The following OTOP1 variants were observed in gnomAD, a reference collection of about 807,000 sequenced individuals.
OTOP1 encodes proton channel OTOP1.
A neutral mutation model predicts 52.9 loss-of-function variants in OTOP1; 59 were observed. That is an observed-to-expected ratio of 1.12 (90% CI 0.91 to 1.39). The LOEUF is 1.39. Among genes scored for constraint, OTOP1 ranks in the 40% most tolerant of loss-of-function variants. The pLI is 0.00. For synonymous variants in OTOP1, 317 were observed against 337.7 expected (o/e 0.94, Z 0.67); for missense variants, 761 against 800.9 (o/e 0.95, Z 0.60).
chr4:4,199,178 G>T (rs2108797994), intron 4 of OTOP1, among the ~76,000 whole-genome samples: 1 of 149,264 alleles, frequency 6.7e-6, no homozygotes, highest in African/African-American at 2.5e-5. Context: ...GACAGAGCGA[G>T]ACTCAGTCTC....
intron 4 of OTOP1, among the ~76,000 whole-genome samples, chr4:4,201,154 C>A (rs566231728): frequency 8.5e-5 from 13 of 152,144 alleles, no homozygotes; most frequent in African/African-American, 2.9e-4. Flanking sequence ...TGAGGCCAGG[C>A]GCAGTGGCTC....
intron 1 of OTOP1, among the ~76,000 whole-genome samples, chr4:4,224,235 T>C (rs1457318115): frequency 6.6e-6 from 1 of 151,580 alleles, no homozygotes; most frequent in African/African-American, 2.4e-5. Flanking sequence ...TAATCCCAGC[T>C]ACTTGGGAGG....
At chr4:4,214,887 T>C (rs147293316) in intron 1 of OTOP1, among the ~76,000 whole-genome samples, 28 of 152,216 alleles carry the variant, frequency 1.8e-4, no homozygotes, top group Non-Finnish European at 8.8e-5. Flanking sequence ...CAAAAGTGTA[T>C]ATGTTCTTAA....
At chr4:4,222,065 T>C (rs1717312875) in intron 1 of OTOP1, among the ~76,000 whole-genome samples, 1 of 152,204 alleles carries the variant, frequency 6.6e-6, no homozygotes, top group Non-Finnish European at 1.5e-5. Flanking sequence ...CATTCAATTA[T>C]TTAGTAGACA....
At chr4:4,203,744 T>A (rs1716839492) in intron 3 of OTOP1, among the ~76,000 whole-genome samples, 1 of 152,220 alleles carries the variant, frequency 6.6e-6, no homozygotes, top group South Asian at 2.1e-4. Flanking sequence ...ACTGGTGATT[T>A]GAGAGAGGTA....
intron 3 of OTOP1, among the ~76,000 whole-genome samples, chr4:4,205,295 T>C (rs547681465): frequency 9.8e-5 from 15 of 152,296 alleles, no homozygotes; most frequent in Admixed American, 7.8e-4. Context: ...AAGAAACAAA[T>C]AGATTCTTCT....
chr4:4,218,256 G>C (rs1023197366), intron 1 of OTOP1, among the ~76,000 whole-genome samples: 2 of 151,902 alleles, frequency 1.3e-5, no homozygotes, highest in African/African-American at 2.4e-5. Context: ...GTCAGGTGTG[G>C]TGGCAAGCAC....
Position 4,206,058 on chromosome 4 carries a change from C to T in OTOP1, c.599+14G>A, listed in dbSNP as rs375896390. The T allele has an allele frequency of 1.0e-4, 166 of 1,589,496 alleles. 1 individual carries two copies. The Admixed American group carries it at 1.3e-3, about 13-fold the overall frequency. On this transcript the variant is annotated intron_variant, in intron 3 of 5. Coordinates refer to ENST00000296358, the MANE Select transcript of OTOP1 (RefSeq NM_177998.3). ...CCAAATTCAACATATAAAGCAATTA[C>T]CCACAATTTTTACCTTTCCAGTGTT...
rs1157934422 is a variant in OTOP1 at position 4,197,681 on chromosome 4, G to C, written c.1153C>G (p.Pro385Ala). ...AGGTCCGAGTCCAGTTTGCGGGCCG[G>C]ATTTTTGGACTCATCCAGTGACTTC... ...DEKSLDESKN[P>A]ARKLDSDLLV... Residue 385 changes from proline (P) to alanine (A), a missense_variant, in exon 5 of 6, where the codon CCG (proline) becomes GCG (alanine). Around this residue, in one of 3 missense-constraint regions of OTOP1, gnomAD observed 632 missense variants for 619.5 expected, o/e 1.02. Coordinates refer to ENST00000296358, the MANE Select transcript of OTOP1 (RefSeq NM_177998.3). 6.2e-7 allele frequency: 1 copy of C among 1,613,700 alleles called. No homozygotes were observed. The highest frequency in any genetic ancestry group is 8.5e-7 in the Non-Finnish European group (1 of 1,179,974).
At position 4,191,620 on chromosome 4, in the gene OTOP1, T is replaced by C. The variant is rs550893952; in HGVS notation, c.1669-2647A>G. Among the ~76,000 whole-genome samples the C allele has an allele frequency of 9.9e-5, 15 of 152,282 alleles. No homozygotes were observed. The East Asian group carries it at 2.1e-3, about 22-fold the overall frequency. ...TGAACATGCGTGGCCAGCCCCTCCT[T>C]GTCTCACCTCACCCTTCAGCGAGGC... On this transcript the variant is annotated intron_variant, in intron 5 of 5. Coordinates refer to ENST00000296358, the MANE Select transcript of OTOP1 (RefSeq NM_177998.3).
At chr4:4,203,232 C>A (rs910235575) in intron 3 of OTOP1, among the ~76,000 whole-genome samples, 1 of 152,226 alleles carries the variant, frequency 6.6e-6, no homozygotes, top group Non-Finnish European at 1.5e-5. Flanking sequence ...TTTTATCTAG[C>A]CTTGAATGTG....
intron 3 of OTOP1, 49 bp downstream of exon 3, chr4:4,206,023 T>C: frequency 6.6e-7 from 1 of 1,507,280 alleles, no homozygotes; most frequent in South Asian, 1.1e-5. Context: ...TTGAAAATTC[T>C]AAATGAATGC....
chr4:4,219,872 TATATGTATATATACAC>T (rs1717243075), intron 1 of OTOP1, among the ~76,000 whole-genome samples: 1 of 146,540 alleles, frequency 6.8e-6, no homozygotes, highest in Non-Finnish European at 1.5e-5. Context: ...TATGTATACA[TATATGTATATATACAC>T]ATATATGTAT....
chr4:4,191,393 C>T (rs1487537867), intron 5 of OTOP1, among the ~76,000 whole-genome samples: 2 of 152,140 alleles, frequency 1.3e-5, no homozygotes, highest in Non-Finnish European at 2.9e-5. Context: ...TTGATCAAAC[C>T]CCCAAAGTCT....
At chr4:4,204,469 G>C (rs1366105773) in intron 3 of OTOP1, among the ~76,000 whole-genome samples, 1 of 152,028 alleles carries the variant, frequency 6.6e-6, no homozygotes, top group Non-Finnish European at 1.5e-5. Context: ...CCAGTCCCAG[G>C]CCCACTGAAC....
At chr4:4,192,841 A>G (rs1716543398) in intron 5 of OTOP1, among the ~76,000 whole-genome samples, 3 of 152,174 alleles carry the variant, frequency 2.0e-5, no homozygotes, top group Admixed American at 1.3e-4. Context: ...TCTAGGAGTC[A>G]AATTCCTAGA....
chr4:4,221,600 G>T (rs186773500), intron 1 of OTOP1, among the ~76,000 whole-genome samples: 1 of 152,204 alleles, frequency 6.6e-6, no homozygotes, highest in Non-Finnish European at 1.5e-5. Flanking sequence ...GAAGTTGAGG[G>T]CTAAGTCTCA....
chr4:4,203,653 C>A (rs1306836923), intron 3 of OTOP1, among the ~76,000 whole-genome samples: 1 of 152,254 alleles, frequency 6.6e-6, no homozygotes, highest in African/African-American at 2.4e-5. Flanking sequence ...TCTTCCTACA[C>A]CTGCAGGCTT....
intron 1 of OTOP1, 74 bp from the exon 2 acceptor site, chr4:4,213,078 A>G: frequency 6.5e-7 from 1 of 1,540,418 alleles, no homozygotes; most frequent in Non-Finnish European, 8.9e-7. Context: ...TTCAAAATAA[A>G]TTATATTGTG....
Sources: gnomAD v4.1 joint callset for allele counts (sites outside exome capture counted in the v4.1 genomes callset) on GRCh38, gnomAD v4.1.1 for gene constraint, gnomAD v4.1.1 regional missense constraint, MANE v1.5 for transcripts, NCBI Gene and HGNC (gene_info 2026-07-23, HGNC 2026-07-21) for gene names.